NUP62CL: variants seen among roughly 807,000 people sequenced by gnomAD.
NUP62CL encodes the protein nucleoporin 62 C-terminal like.
In NUP62CL, 13 loss-of-function variants were observed where a neutral mutation model predicts 15.3. The observed-to-expected ratio is 0.85, with a 90% CI of 0.55 to 1.35. The LOEUF is 1.35. NUP62CL is among the 40% of genes most tolerant of loss of function. The probability of loss-of-function intolerance (pLI) is 0.00; values close to 1 mark genes in which losing one functional copy is unlikely to be tolerated. For missense variants in NUP62CL, 123 were observed against 130.6 expected, an observed-to-expected ratio of 0.94 and a Z score of 0.28; for synonymous variants, 54 against 49.2, an observed-to-expected ratio of 1.10 and a Z score of -0.41.
At chrX:107,168,684 T>C (rs1227213799) in intron 3 of NUP62CL, among the ~76,000 whole-genome samples, 1 of 112,847 alleles carries the variant, frequency 8.9e-6, no homozygotes, top group Non-Finnish European at 1.9e-5. Context: ...TTTGGTTCTC[T>C]GCATTTTCAA....
intron 1 of NUP62CL, among the ~76,000 whole-genome samples, chrX:107,201,201 A>T (rs952326113): frequency 8.9e-6 from 1 of 111,776 alleles, no homozygotes; most frequent in Non-Finnish European, 1.9e-5. Context: ...GTGGTAAAAT[A>T]CATATAATAT....
intron 3 of NUP62CL, among the ~76,000 whole-genome samples, chrX:107,173,125 C>A (rs1330598051): frequency 1.8e-5 from 2 of 112,370 alleles, no homozygotes; most frequent in East Asian, 5.6e-4. Context: ...CAGAGAACAA[C>A]ATAATATTAA....
At chrX:107,192,437 T>C (rs1427882247) in intron 2 of NUP62CL, among the ~76,000 whole-genome samples, 1 of 111,953 alleles carries the variant, frequency 8.9e-6, no homozygotes, top group African/African-American at 3.2e-5. Context: ...TGGAGTGCAG[T>C]GGTGCAATCA....
At chrX:107,204,930 A>C (rs1298853072) in intron 1 of NUP62CL, among the ~76,000 whole-genome samples, 1 of 106,341 alleles carries the variant, frequency 9.4e-6, no homozygotes, top group Non-Finnish European at 1.9e-5. Context: ...ATTTATTTAA[A>C]TAAATTTTAA....
intron 8 of NUP62CL, among the ~76,000 whole-genome samples, chrX:107,136,442 A>C (rs776024040): frequency 3.2e-4 from 36 of 112,160 alleles, no homozygotes; most frequent in Non-Finnish European, 5.4e-4. Context: ...AGCTCTCAAA[A>C]ACAAAATATC....
At chrX:107,162,440 T>A (rs769252518) in intron 4 of NUP62CL, among the ~76,000 whole-genome samples, 19 of 110,406 alleles carry the variant, frequency 1.7e-4, no homozygotes, top group Admixed American at 1.9e-4. Flanking sequence ...TAATTAAACT[T>A]CTGAAAACTA....
chrX:107,172,474 C>T (rs1012059011), intron 3 of NUP62CL, among the ~76,000 whole-genome samples: 2 of 112,096 alleles, frequency 1.8e-5, no homozygotes, highest in Non-Finnish European at 3.8e-5. Context: ...AACAAGACTT[C>T]TCCAAAATGG....
intron 2 of NUP62CL, among the ~76,000 whole-genome samples, chrX:107,180,454 C>A (rs1206897364): frequency 2.7e-5 from 3 of 111,730 alleles, no homozygotes; most frequent in African/African-American, 9.8e-5. Context: ...GCATGGAATA[C>A]TACGATCCTA....
chrX:107,203,475 G>T (rs1434674422), intron 1 of NUP62CL, among the ~76,000 whole-genome samples: 1 of 109,949 alleles, frequency 9.1e-6, no homozygotes, highest in Non-Finnish European at 1.9e-5. Context: ...TGAACTCCTG[G>T]ATTCAAGTGA....
At chrX:107,181,187 A>G (rs1390223212) in intron 2 of NUP62CL, among the ~76,000 whole-genome samples, 4 of 109,730 alleles carry the variant, frequency 3.6e-5, no homozygotes, top group African/African-American at 1.3e-4. Context: ...AAGTGCTGGG[A>G]TTACAGGCAT....
intron 2 of NUP62CL, among the ~76,000 whole-genome samples, chrX:107,191,489 C>A (rs952424554): frequency 3.6e-5 from 4 of 110,211 alleles, no homozygotes; most frequent in Non-Finnish European, 7.6e-5. Context: ...GCAGGTGGAT[C>A]ACGAGGTCAG....
intron 4 of NUP62CL, among the ~76,000 whole-genome samples, chrX:107,163,888 A>G (rs1450346837): frequency 8.9e-6 from 1 of 111,822 alleles, no homozygotes; most frequent in Non-Finnish European, 1.9e-5. Context: ...AAAGGGAGAA[A>G]TAGAGAAATC....
intron 4 of NUP62CL, among the ~76,000 whole-genome samples, chrX:107,164,596 A>C (rs1015861040): frequency 8.9e-5 from 10 of 112,204 alleles, no homozygotes; most frequent in Non-Finnish European, 1.5e-4. Flanking sequence ...AAAGAAAGAC[A>C]CAAACCACTA....
At chrX:107,130,398 G>A (rs1602633865) in intron 8 of NUP62CL, among the ~76,000 whole-genome samples, 1 of 111,983 alleles carries the variant, frequency 8.9e-6, no homozygotes, top group Non-Finnish European at 1.9e-5. Context: ...TTCAATACCC[G>A]ATATTATCGA....
chrX:107,151,043 T>C (rs1233205424), intron 7 of NUP62CL: 1 of 306,169 alleles, frequency 3.3e-6, no homozygotes, highest in Non-Finnish European at 6.5e-6. Flanking sequence ...TATATAAACA[T>C]GACACTACCA....
At chrX:107,137,602 C>T (rs376721949) in intron 8 of NUP62CL, among the ~76,000 whole-genome samples, 42 of 111,290 alleles carry the variant, frequency 3.8e-4, no homozygotes, top group African/African-American at 9.8e-4. Context: ...CAAAAACTTG[C>T]GTAACATAAT....
chrX:107,183,306 A>G (rs889342464), intron 2 of NUP62CL, among the ~76,000 whole-genome samples: 12 of 110,552 alleles, frequency 1.1e-4, no homozygotes, highest in African/African-American at 4.0e-4. Flanking sequence ...TATAAAATAG[A>G]CGTAAGAAGC....
chrX:107,124,300 G>T lies in NUP62CL; in HGVS notation c.*75C>A. 1 of 341,508 alleles carries T rather than the reference G, an allele frequency of 2.9e-6. No individual in the cohort carries two copies. The highest frequency in any genetic ancestry group is 5.9e-6 in the Non-Finnish European group (1 of 169,960). 28.1% of individuals were successfully genotyped at this position (341,508 alleles called of 1,213,427 possible). ...TCGTGACGATAATCCTCGAAAACCC[G>T]TGTTACCACTTCTACCTTCCTTCGC... On this transcript the variant is annotated 3_prime_UTR_variant, in exon 9 of 9. Transcript: ENST00000372466.
At chrX:107,195,531 G>T (rs1927342578) in intron 1 of NUP62CL, among the ~76,000 whole-genome samples, 1 of 112,126 alleles carries the variant, frequency 8.9e-6, no homozygotes, top group South Asian at 3.7e-4. Flanking sequence ...GTTAAGACAT[G>T]AAAAAAATGT....
Sources: allele counts gnomAD v4.1 joint callset (sites outside exome capture counted in the v4.1 genomes callset), GRCh38; gene constraint gnomAD v4.1.1; transcripts MANE v1.5; gene names NCBI Gene and HGNC (gene_info 2026-07-23, HGNC 2026-07-21).